Variants in AGBL4 observed in about 807,000 individuals in gnomAD.
AGBL4 encodes AGBL carboxypeptidase 4, also known as cytosolic carboxypeptidase 6.
Under a neutral mutation model 66.4 loss-of-function variants are expected in AGBL4, and 58 were observed. The observed-to-expected ratio is 0.87, with a 90% CI of 0.71 to 1.09. AGBL4 has a LOEUF of 1.09. Among genes scored for constraint, AGBL4 ranks in the 50% least tolerant of loss-of-function variants. The pLI, the probability that AGBL4 is intolerant of heterozygous loss-of-function variation, is 0.00. For synonymous variants in AGBL4, 234 were observed against 222.9 expected (o/e 1.05, Z -0.44); for missense variants, 579 against 631.0 (o/e 0.92, Z 0.88).
intron 3 of AGBL4, among the ~76,000 whole-genome samples, chr1:49,280,028 A>G (rs1644243804): frequency 6.6e-6 from 1 of 152,122 alleles, no homozygotes; most frequent in Non-Finnish European, 1.5e-5. Context: ...TAACATTACT[A>G]TTGTAGAACC....
At chr1:49,031,910 A>G (rs1664260755) in intron 5 of AGBL4, among the ~76,000 whole-genome samples, 1 of 152,150 alleles carries the variant, frequency 6.6e-6, no homozygotes, top group Non-Finnish European at 1.5e-5. Flanking sequence ...GAGAAATAGA[A>G]TATATTACAG....
At chr1:48,819,158 T>C (rs890518581) in intron 6 of AGBL4, among the ~76,000 whole-genome samples, 4 of 152,124 alleles carry the variant, frequency 2.6e-5, no homozygotes, top group African/African-American at 9.7e-5. Context: ...GATGACGATA[T>C]TGAAAATAGA....
At chr1:49,258,124 A>C (rs565855642) in intron 3 of AGBL4, among the ~76,000 whole-genome samples, 1 of 152,342 alleles carries the variant, frequency 6.6e-6, no homozygotes, top group South Asian at 2.1e-4. Context: ...ACTAACAAAC[A>C]GAAAGGACAT....
At chr1:49,435,961 T>C (rs1200608426) in intron 3 of AGBL4, among the ~76,000 whole-genome samples, 1 of 152,222 alleles carries the variant, frequency 6.6e-6, no homozygotes, top group Non-Finnish European at 1.5e-5. Context: ...TAAAGCTATA[T>C]GGACTAAATA....
intron 2 of AGBL4, among the ~76,000 whole-genome samples, chr1:49,787,640 CA>C (rs1557446557): frequency 1.3e-5 from 2 of 152,048 alleles, no homozygotes; most frequent in Non-Finnish European, 2.9e-5. Context: ...TCAGAGGACT[CA>C]GAATAAGTTA....
intron 1 of AGBL4, among the ~76,000 whole-genome samples, chr1:50,002,318 G>A (rs1388445533): frequency 6.9e-6 from 1 of 145,242 alleles, no homozygotes; most frequent in Non-Finnish European, 1.5e-5. Flanking sequence ...AATTGTACTG[G>A]TTTACTCCGA....
intron 2 of AGBL4, among the ~76,000 whole-genome samples, chr1:49,832,204 T>G (rs1172174207): frequency 6.7e-6 from 1 of 149,718 alleles, no homozygotes; most frequent in Non-Finnish European, 1.5e-5. Flanking sequence ...TGTCCATGTG[T>G]TCTCATTGTT....
chr1:49,851,284 T>G, intron 2 of AGBL4, 112 bp downstream of exon 2: 1 of 1,190,346 alleles, frequency 8.4e-7, no homozygotes, highest in African/African-American at 1.6e-5. Flanking sequence ...GTCCCATTAT[T>G]GTGAAATATT....
At chr1:49,083,037 T>C (rs1180832487) in intron 4 of AGBL4, among the ~76,000 whole-genome samples, 1 of 152,236 alleles carries the variant, frequency 6.6e-6, no homozygotes, top group Non-Finnish European at 1.5e-5. Flanking sequence ...ATTCAGGTCA[T>C]GCTGATGCAA....
chr1:49,913,938 A>C (rs1651122197), intron 1 of AGBL4, among the ~76,000 whole-genome samples: 2 of 152,132 alleles, frequency 1.3e-5, no homozygotes, highest in Non-Finnish European at 2.9e-5. Context: ...ATCCCTAAAA[A>C]CAATTCTTCC....
chr1:48,531,808 C>T (rs1259130686), downstream of AGBL4, among the ~76,000 whole-genome samples: 1 of 152,120 alleles, frequency 6.6e-6, no homozygotes, highest in African/African-American at 2.4e-5. Context: ...CAGAGTCTCA[C>T]TCTGTCACCC....
intron 6 of AGBL4, among the ~76,000 whole-genome samples, chr1:48,677,500 C>A (rs370000590): frequency 1.4e-5 from 2 of 146,634 alleles, no homozygotes; most frequent in African/African-American, 5.0e-5. Context: ...CTGCTCTGTG[C>A]CAGGCGCCAG....
intron 2 of AGBL4, among the ~76,000 whole-genome samples, chr1:49,783,013 T>C (rs1210402340): frequency 6.6e-6 from 1 of 152,128 alleles, no homozygotes; most frequent in Admixed American, 6.6e-5. Context: ...CCTGTTTTTT[T>C]TTTTTCCATA....
intron 1 of AGBL4, among the ~76,000 whole-genome samples, chr1:50,020,926 A>G (rs1397415278): frequency 6.6e-6 from 1 of 152,228 alleles, no homozygotes; most frequent in African/African-American, 2.4e-5. Flanking sequence ...CTGGACACCT[A>G]ATCTAAAACC....
chr1:49,249,611 ATTG>A (rs1651894580), intron 3 of AGBL4, among the ~76,000 whole-genome samples: 1 of 152,224 alleles, frequency 6.6e-6, no homozygotes, highest in Non-Finnish European at 1.5e-5. Context: ...ACACTCATAT[ATTG>A]TTGGTGAGAA....
chr1:48,914,116 A>T (rs1242714682), intron 5 of AGBL4, among the ~76,000 whole-genome samples: 5 of 152,234 alleles, frequency 3.3e-5, no homozygotes, highest in Admixed American at 2.0e-4. Context: ...GGATCAGATC[A>T]TACAAGAAGG....
chr1:48,978,583 C>A (rs1204476428), intron 5 of AGBL4, among the ~76,000 whole-genome samples: 1 of 152,120 alleles, frequency 6.6e-6, no homozygotes. Context: ...CTGATAACTC[C>A]CACTTGTTCC....
intron 3 of AGBL4, among the ~76,000 whole-genome samples, chr1:49,335,295 A>C (rs1645411418): frequency 6.6e-6 from 1 of 152,024 alleles, no homozygotes; most frequent in African/African-American, 2.4e-5. Flanking sequence ...TATATTCAAA[A>C]CCTGTTCACT....
At chr1:49,098,471 T>C (rs1212744786) in intron 4 of AGBL4, among the ~76,000 whole-genome samples, 1 of 152,098 alleles carries the variant, frequency 6.6e-6, no homozygotes, top group African/African-American at 2.4e-5. Flanking sequence ...GATCTGAGGA[T>C]AGGAAAATGC....
Sources: allele counts gnomAD v4.1 joint callset (sites outside exome capture counted in the v4.1 genomes callset), GRCh38; gene constraint gnomAD v4.1.1; transcripts MANE v1.5; gene names NCBI Gene and HGNC (gene_info 2026-07-23, HGNC 2026-07-21).